The following PHACTR3 variants were observed in gnomAD, a reference collection of about 807,000 sequenced individuals.
The protein encoded by PHACTR3 is protein phosphatase 1, regulatory subunit 123.
PHACTR3 carries 16 observed loss-of-function variants against 66.8 expected under a neutral mutation model. The observed-to-expected ratio is 0.24, with a 90% confidence interval of 0.16 to 0.36. PHACTR3 has a LOEUF of 0.36. Ranked by LOEUF, PHACTR3 falls within the 10% of genes least tolerant of loss-of-function variation. The probability of loss-of-function intolerance (pLI) is 1.00; values close to 1 mark genes in which losing one functional copy is unlikely to be tolerated. For missense variants in PHACTR3, 647 were observed against 719.9 expected (o/e 0.90, Z 1.16); for synonymous variants, 323 against 292.1 (o/e 1.11, Z -1.08).
chr20:59,608,486 CT>C (rs1450862556), intron 1 of PHACTR3, among the ~76,000 whole-genome samples: 1 of 152,234 alleles, frequency 6.6e-6, no homozygotes, highest in Non-Finnish European at 1.5e-5. Context: ...AGGGGTTTTG[CT>C]TCCTTTTCTT....
chr20:59,843,409 G>T (rs951460208), intron 11 of PHACTR3: 2 of 152,004 alleles, frequency 1.3e-5, no homozygotes, highest in African/African-American at 2.4e-5. Context: ...TTAGCAAAAA[G>T]AACAAAGCTG....
intron 8 of PHACTR3, among the ~76,000 whole-genome samples, chr20:59,811,885 T>C (rs1332179564): frequency 6.6e-6 from 1 of 152,216 alleles, no homozygotes; most frequent in Admixed American, 6.5e-5. Flanking sequence ...TGGCAATACC[T>C]GCCTCAGGGC....
chr20:59,774,505 G>A lies in PHACTR3; in HGVS notation c.1174+15G>A, dbSNP rs752672939. On this transcript the variant is annotated intron_variant, in intron 7 of 12. Transcript: ENST00000371015. ...CATTATTTCTGGTGAGGAAAGGATG[G>A]CCCATTAAGTGTGGGGATCTCGGCC... 12 of 1,610,854 alleles carry A rather than the reference G, an allele frequency of 7.4e-6. No individual in the cohort carries two copies. Among genetic ancestry groups the A allele is most frequent in the Non-Finnish European group, 1.0e-5 (12 of 1,178,472 alleles).
In PHACTR3 at chr20:59,743,174, G is replaced by A; in HGVS notation, c.186G>A (p.Val62=). Reference sequence around the variant, plus strand: ...TCTCAGGGATTCGAACTCCCCCTGTGAGGAGGAACAGCAAACTGGCCACCC... The same window carrying A: ...TCTCAGGGATTCGAACTCCCCCTGTAAGGAGGAACAGCAAACTGGCCACCC... ...YLVSGIRTPP[V]RRNSKLATLG... is the part of the protein sequence containing the mutation. Residue 62 remains valine (V), a synonymous_variant, in exon 2 of 13, where the codon GTG becomes GTA. Coordinates refer to ENST00000371015, the MANE Select transcript of PHACTR3 (RefSeq NM_080672.5). 1 of 1,614,140 alleles carries A rather than the reference G, an allele frequency of 6.2e-7. No individual in the cohort carries two copies. The highest frequency in any genetic ancestry group is 8.5e-7 in the Non-Finnish European group (1 of 1,179,976).
intron 8 of PHACTR3, among the ~76,000 whole-genome samples, chr20:59,826,226 C>T (rs1293530795): frequency 6.6e-6 from 1 of 152,062 alleles, no homozygotes; most frequent in Non-Finnish European, 1.5e-5. Flanking sequence ...TCAGGGGCTT[C>T]GAGGAGGCTG....
At chr20:59,678,856 A>G (rs374222912) in intron 1 of PHACTR3, among the ~76,000 whole-genome samples, 4 of 150,812 alleles carry the variant, frequency 2.7e-5, no homozygotes, top group Admixed American at 6.6e-5. Flanking sequence ...GGCAGCAAGC[A>G]GTGGTTCTCA....
chr20:59,791,713 A>G (rs2041104004), intron 7 of PHACTR3, among the ~76,000 whole-genome samples: 1 of 148,764 alleles, frequency 6.7e-6, no homozygotes, highest in African/African-American at 2.5e-5. Flanking sequence ...CATTAGGCAT[A>G]TCTTCTAATG....
chr20:59,839,876 A>G (rs2059027601), intron 9 of PHACTR3, among the ~76,000 whole-genome samples: 1 of 152,222 alleles, frequency 6.6e-6, no homozygotes, highest in Admixed American at 6.5e-5. Flanking sequence ...CCAGGAGCTG[A>G]AGAAGGTGTT....
intron 2 of PHACTR3, among the ~76,000 whole-genome samples, chr20:59,744,282 A>G (rs1205982666): frequency 2.0e-5 from 3 of 152,238 alleles, no homozygotes; most frequent in Admixed American, 2.0e-4. Context: ...GGACCCTGGC[A>G]GCCGGGTGTG....
chr20:59,843,562 G>T (rs1336133439), intron 11 of PHACTR3: 1 of 152,056 alleles, frequency 6.6e-6, no homozygotes, highest in Non-Finnish European at 1.5e-5. Flanking sequence ...TTTGACAAAG[G>T]TGCCAAGAAC....
chr20:59,798,663 T>G (rs960907047), intron 7 of PHACTR3, among the ~76,000 whole-genome samples: 7 of 152,168 alleles, frequency 4.6e-5, no homozygotes, highest in African/African-American at 1.7e-4. Context: ...ACTATATTTT[T>G]TATATCTTCT....
chr20:59,622,696 G>A (rs2034287263), intron 1 of PHACTR3, among the ~76,000 whole-genome samples: 1 of 152,040 alleles, frequency 6.6e-6, no homozygotes. Context: ...TCCACACTGG[G>A]AATGAGGGAG....
At chr20:59,587,110 G>A (rs1042512637) in intron 1 of PHACTR3, among the ~76,000 whole-genome samples, 1 of 152,222 alleles carries the variant, frequency 6.6e-6, no homozygotes, top group Non-Finnish European at 1.5e-5. Flanking sequence ...ACTGAAAAGA[G>A]CCTTTCCCTG....
intron 1 of PHACTR3, among the ~76,000 whole-genome samples, chr20:59,635,610 G>A (rs929130562): frequency 5.9e-5 from 9 of 152,120 alleles, no homozygotes; most frequent in African/African-American, 2.2e-4. Context: ...TCTTTTGTGT[G>A]AACTATTTGG....
chr20:59,686,124 G>A (rs1010644413), intron 1 of PHACTR3, among the ~76,000 whole-genome samples: 4 of 152,182 alleles, frequency 2.6e-5, no homozygotes, highest in African/African-American at 9.7e-5. Flanking sequence ...CTTAAAGACA[G>A]GAATTCAGCT....
intron 1 of PHACTR3, among the ~76,000 whole-genome samples, chr20:59,619,633 C>T (rs182523911): frequency 9.1e-4 from 138 of 152,264 alleles, no homozygotes; most frequent in Non-Finnish European, 4.6e-4. Context: ...CCAGTCCTGC[C>T]ATGTCCTGAC....
intron 1 of PHACTR3, among the ~76,000 whole-genome samples, chr20:59,634,061 G>A (rs763033745): frequency 2.0e-5 from 3 of 152,112 alleles, no homozygotes; most frequent in South Asian, 2.1e-4. Context: ...TGCTTACTCC[G>A]TCACTGTTCA....
intron 12 of PHACTR3, among the ~76,000 whole-genome samples, 185 bp from the exon 13 acceptor site, chr20:59,846,930 T>C (rs1381568616): frequency 6.6e-6 from 1 of 152,162 alleles, no homozygotes; most frequent in Non-Finnish European, 1.5e-5. Flanking sequence ...AACAGGGGCC[T>C]GAGAGTGGGG....
intron 1 of PHACTR3, among the ~76,000 whole-genome samples, chr20:59,588,551 T>C (rs1270049803): frequency 6.6e-6 from 1 of 152,156 alleles, no homozygotes; most frequent in Non-Finnish European, 1.5e-5. Context: ...CAGGATAAAA[T>C]CCACGCTTCT....
Sources: allele counts gnomAD v4.1 joint callset (sites outside exome capture counted in the v4.1 genomes callset), GRCh38; gene constraint gnomAD v4.1.1; transcripts MANE v1.5; gene names NCBI Gene and HGNC (gene_info 2026-07-23, HGNC 2026-07-21).